WWOX: variants seen among roughly 807,000 people sequenced by gnomAD.
The protein encoded by WWOX is WW domain containing oxidoreductase, also known as WW domain-containing oxidoreductase.
WWOX carries 69 observed loss-of-function variants against 46.2 expected under a neutral mutation model. The ratio of observed to expected loss-of-function variants is 1.49; its 90% confidence interval spans 1.23 to 1.82. The LOEUF (loss-of-function observed/expected upper bound fraction) is 1.82, where lower values mean the gene tolerates loss of function less well. Among genes scored for constraint, WWOX ranks in the 40% most tolerant of loss-of-function variants. The pLI, the probability that WWOX is intolerant of heterozygous loss-of-function variation, is 0.00. For synonymous variants in WWOX, 359 were observed against 202.6 expected (o/e 1.77, Z -6.56); for missense variants, 919 against 542.6 (o/e 1.69, Z -6.89).
intron 8 of WWOX, among the ~76,000 whole-genome samples, chr16:78,746,969 G>A (rs956317857): frequency 3.9e-5 from 6 of 152,102 alleles, no homozygotes; most frequent in Admixed American, 1.3e-4. Flanking sequence ...AAAAATACAC[G>A]CTCTTTTCCA....
At chr16:78,992,910 A>G (rs1597248488) in intron 8 of WWOX, among the ~76,000 whole-genome samples, 1 of 151,126 alleles carries the variant, frequency 6.6e-6, no homozygotes, top group Non-Finnish European at 1.5e-5. Context: ...TTATGAAAAA[A>G]TATATCTACG....
chr16:79,066,025 A>C (rs977275736), intron 8 of WWOX, among the ~76,000 whole-genome samples: 4 of 152,192 alleles, frequency 2.6e-5, no homozygotes, highest in African/African-American at 4.8e-5. Flanking sequence ...GTCCAAATCC[A>C]GTCTGTTCAT....
chr16:78,515,043 A>C (rs1279463988), intron 8 of WWOX, among the ~76,000 whole-genome samples: 1 of 152,204 alleles, frequency 6.6e-6, no homozygotes, highest in South Asian at 2.1e-4. Flanking sequence ...AGTGTGGCAA[A>C]ACCCCACCTC....
intron 8 of WWOX, among the ~76,000 whole-genome samples, chr16:79,012,076 G>T (rs1220885725): frequency 1.3e-5 from 2 of 152,196 alleles, no homozygotes; most frequent in Admixed American, 6.5e-5. Flanking sequence ...AACAGTGGAA[G>T]CGTGGACACT....
At chr16:79,185,253 C>G (rs1371352997) in intron 8 of WWOX, among the ~76,000 whole-genome samples, 1 of 152,112 alleles carries the variant, frequency 6.6e-6, no homozygotes, top group African/African-American at 2.4e-5. Context: ...GCCCCCTGAA[C>G]CAGACAGGAA....
intron 8 of WWOX, among the ~76,000 whole-genome samples, chr16:78,985,016 C>A (rs774954356): frequency 4.1e-4 from 62 of 152,154 alleles, no homozygotes; most frequent in African/African-American, 1.4e-3. Context: ...TTGCCCAGCT[C>A]CAAGTGTTGC....
intron 8 of WWOX, among the ~76,000 whole-genome samples, chr16:78,732,645 A>T (rs555684138): frequency 2.6e-5 from 4 of 152,312 alleles, no homozygotes; most frequent in African/African-American, 9.6e-5. Flanking sequence ...TCAGAAATTA[A>T]AACTGTATAC....
At chr16:78,386,792 C>G (rs2082070263) in intron 5 of WWOX, 68 bp from the exon 6 acceptor site, 6 of 1,369,274 alleles carry the variant, frequency 4.4e-6, no homozygotes, top group Admixed American at 3.4e-5. Flanking sequence ...AACACATTTA[C>G]TGTAACTTGA....
At chr16:78,410,254 T>A (rs1357835128) in intron 6 of WWOX, among the ~76,000 whole-genome samples, 1 of 152,212 alleles carries the variant, frequency 6.6e-6, no homozygotes, top group Non-Finnish European at 1.5e-5. Flanking sequence ...ATTAAATCTC[T>A]TTTCATTATA....
Position 78,520,906 on chromosome 16 carries a change from G to C in WWOX, c.1056+88154G>C, listed in dbSNP as rs17777397. On this transcript the variant is annotated intron_variant, in intron 8 of 8. Coordinates refer to ENST00000566780, the MANE Select transcript of WWOX (RefSeq NM_016373.4). The stretch of plus-strand genomic sequence containing the variant: ...TTACATTTTGCCATGGTGTTAACAA[G>C]CAAAAGAAGACAAAAGAGCTCAAAA... Among the ~76,000 whole-genome samples the C allele has an allele frequency of 1.1e-4, 16 of 152,206 alleles. No homozygotes were observed. In the East Asian group the frequency reaches 2.7e-3, roughly 26 times the overall value.
At chr16:78,756,046 T>C (rs983694303) in intron 8 of WWOX, among the ~76,000 whole-genome samples, 1 of 152,108 alleles carries the variant, frequency 6.6e-6, no homozygotes, top group East Asian at 1.9e-4. Flanking sequence ...CTCTGAGGCA[T>C]GAGAAGGCTC....
rs534168942 is a variant in WWOX at position 78,247,761 on chromosome 16, G to C, written c.516+83472G>C. ...ACACTGTGCCTACCTTGGATATGGA[G>C]TTCCACTTGTTCCCTTACCTTTCAC... On this transcript the variant is annotated intron_variant, in intron 5 of 8. Transcript: ENST00000566780. Among the ~76,000 whole-genome samples, 17 of 152,288 alleles carry C rather than the reference G, an allele frequency of 1.1e-4. No homozygotes were observed. The East Asian group carries it at 3.1e-3, about 28-fold the overall frequency.
intron 8 of WWOX, among the ~76,000 whole-genome samples, chr16:78,809,915 C>T (rs1328342190): frequency 6.6e-6 from 1 of 152,188 alleles, no homozygotes; most frequent in Non-Finnish European, 1.5e-5. Context: ...GCATGTTCCA[C>T]ACTCACCTTC....
chr16:78,881,341 G>A lies in WWOX; in HGVS notation c.1057-330267G>A, dbSNP rs533777284. ...TGTCTACATAGTTACTGCTGCCCAG[G>A]CAAAATCTGAAAAATGTTAGTCTAA... On this transcript the variant is annotated intron_variant, in intron 8 of 8. Coordinates refer to ENST00000566780, the MANE Select transcript of WWOX (RefSeq NM_016373.4). Among the ~76,000 whole-genome samples the A allele has an allele frequency of 1.2e-4, 18 of 152,238 alleles. No homozygotes were observed. The South Asian group carries it at 3.3e-3, about 28-fold the overall frequency.
intron 8 of WWOX, among the ~76,000 whole-genome samples, chr16:78,947,633 C>A (rs1001352874): frequency 6.6e-6 from 1 of 152,136 alleles, no homozygotes; most frequent in Non-Finnish European, 1.5e-5. Context: ...CAGATAACCC[C>A]CGATCGTAAT....
chr16:78,931,425 A>G (rs2045622086), intron 8 of WWOX, among the ~76,000 whole-genome samples: 1 of 152,230 alleles, frequency 6.6e-6, no homozygotes, highest in Non-Finnish European at 1.5e-5. Flanking sequence ...TCCTCAGCAC[A>G]TAAAAGTTTG....
chr16:78,233,249 C>G (rs1053452041), intron 5 of WWOX, among the ~76,000 whole-genome samples: 1 of 152,190 alleles, frequency 6.6e-6, no homozygotes, highest in Non-Finnish European at 1.5e-5. Context: ...ATTTATTCAT[C>G]TCTGTTCAAG....
intron 8 of WWOX, among the ~76,000 whole-genome samples, chr16:79,000,107 T>C (rs871571): frequency 0.25 from 38,356 of 152,072 alleles, 5,429 homozygotes; most frequent in East Asian, 0.55. Context: ...CTGAGCAGGC[T>C]TCCCACCATT....
At chr16:78,373,023 C>T (rs978112627) in intron 5 of WWOX, among the ~76,000 whole-genome samples, 1 of 152,108 alleles carries the variant, frequency 6.6e-6, no homozygotes, top group African/African-American at 2.4e-5. Context: ...GCTTTTTGGA[C>T]TCCAGAATCA....
Sources: gnomAD v4.1 joint callset for allele counts (sites outside exome capture counted in the v4.1 genomes callset) on GRCh38, gnomAD v4.1.1 for gene constraint, MANE v1.5 for transcripts, NCBI Gene and HGNC (gene_info 2026-07-23, HGNC 2026-07-21) for gene names.